Variants in PRX observed in about 807,000 individuals in gnomAD.
The protein encoded by PRX is periaxin.
In PRX, 24 loss-of-function variants were observed where a neutral mutation model predicts 29.6. The ratio of observed to expected loss-of-function variants is 0.81; its 90% CI spans 0.59 to 1.14. The LOEUF (loss-of-function observed/expected upper bound fraction) is 1.14. Among genes scored for constraint, PRX ranks in the 50% most tolerant of loss-of-function variants. The pLI, the probability that PRX is intolerant of heterozygous loss-of-function variation, is 0.00. For synonymous variants in PRX, 772 were observed against 831.7 expected (o/e 0.93, Z 1.24); for missense variants, 1,838 against 1,926.4 (o/e 0.95, Z 0.86).
At position 40,394,841 on chromosome 19, in the gene PRX, G is replaced by A. The variant is rs774212521; in HGVS notation, c.3511C>T (p.Gln1171Ter). Residue 1171 changes from glutamine (Q) to a stop codon, truncating the protein, a stop_gained, in exon 7 of 7, where the codon CAG (glutamine) becomes TAG (stop). Coordinates refer to ENST00000324001, the MANE Select transcript of PRX (RefSeq NM_181882.3). LOFTEE classifies it high-confidence loss of function. The surrounding 1 kb of genome is among the most constrained non-coding windows in gnomAD (Gnocchi z 5.8). ...CCCTCTGCTGAAGGGACTGTACTCT[G>A]AGCCTGCTGCCCTGGGGTACCTGCC... is the stretch of plus-strand genomic sequence containing the variant. ...GEAGTPGQQA[Q>*]STVPSAEGTA... The A allele has an allele frequency of 1.2e-6, 2 of 1,612,766 alleles. No individual in the cohort carries two copies. The highest frequency in any genetic ancestry group is 1.3e-5 in the African/African-American group (1 of 74,904).
chr19:40,393,793 G>T lies in PRX; in HGVS notation c.*173C>A. ...TACTTCCAGATTATTTTATTCACAT[G>T]GCTTGGTGGGGTACAGGCACTCCTG... is the stretch of plus-strand genomic sequence containing the variant. On this transcript the variant is annotated 3_prime_UTR_variant, in exon 7 of 7. Coordinates refer to ENST00000324001, the MANE Select transcript of PRX (RefSeq NM_181882.3). 1 of 914,772 alleles carries T rather than the reference G, an allele frequency of 1.1e-6. No individual in the cohort carries two copies. Among genetic ancestry groups the T allele is most frequent in the Non-Finnish European group, 1.6e-6 (1 of 606,286 alleles). The allele number at this position is 914,772 out of a possible 1,614,324, so 56.7% of individuals were successfully genotyped here.
chr19:40,394,920 C>T lies in PRX; in HGVS notation c.3432G>A (p.Arg1144=), dbSNP rs2079416587. The change falls in exon 7 of 7, where the codon AGG becomes AGA. Residue 1144 remains arginine (R), a synonymous_variant. Coordinates refer to ENST00000324001, the MANE Select transcript of PRX (RefSeq NM_181882.3). The surrounding 1 kb of genome is among the most constrained non-coding windows in gnomAD (Gnocchi z 5.8). ...GCAGGGAGATGCCCAGCGGAGGCATCCTCAGCCCCGCGTCATGGCCCTCAG... is the reference window on the plus strand; with the variant it reads ...GCAGGGAGATGCCCAGCGGAGGCATTCTCAGCCCCGCGTCATGGCCCTCAG... ...VVTEGHDAGL[R]MPPLGISLPQ... 1 of 1,610,076 alleles carries T rather than the reference C, an allele frequency of 6.2e-7. No homozygotes were observed. Among genetic ancestry groups the T allele is most frequent in the African/African-American group, 1.3e-5 (1 of 74,928 alleles).
intron 4 of PRX, among the ~76,000 whole-genome samples, chr19:40,405,200 C>T (rs1299041187): frequency 6.6e-6 from 1 of 152,124 alleles, no homozygotes; most frequent in African/African-American, 2.4e-5. Flanking sequence ...CAGATTGGAC[C>T]TGGCCCAGAA....
chr19:40,399,659 G>A (rs760635094), intron 5 of PRX, among the ~76,000 whole-genome samples: 7 of 152,236 alleles, frequency 4.6e-5, no homozygotes, highest in Middle Eastern at 3.4e-3. Context: ...CCTCTGGAGC[G>A]TCTCTGGGAG....
Position 40,397,037 on chromosome 19 carries a change from C to A in PRX, c.1315G>T (p.Gly439Ter), listed in dbSNP as rs756439826. The A allele has an allele frequency of 6.2e-7, 1 of 1,614,102 alleles. No individual in the cohort carries two copies. Among genetic ancestry groups the A allele is most frequent in the Non-Finnish European group, 8.5e-7 (1 of 1,180,038 alleles). The part of the protein sequence containing the change: ...VSGPEVKVPK[G>*]PEVKLPKAPE... ...GCCTTGGGGAGCTTCACTTCAGGTC[C>A]CTTGGGCACCTTGACCTCGGGCCCT... The change falls in exon 7 of 7, where the codon GGA (glycine) becomes TGA (stop). Residue 439 changes from glycine (G) to a stop codon, truncating the protein, a stop_gained. Coordinates refer to ENST00000324001, the MANE Select transcript of PRX (RefSeq NM_181882.3). LOFTEE classifies it low-confidence loss of function (END_TRUNC).
chr19:40,396,197 C>A lies in PRX; in HGVS notation c.2155G>T (p.Val719Phe), dbSNP rs2079433882. ...ATCTCTGGGAGCTTCATGTCAGGGA[C>A]TTTCATTTCACAGACTTTGGGCAGC... ...VQLPKVCEMK[V>F]PDMKLPEIKL... is the part of the protein sequence containing the mutation. The change falls in exon 7 of 7, where the codon GTC becomes TTC. Residue 719 changes from valine to phenylalanine, a missense_variant. Val to Phe is a conservative substitution (Grantham distance 50). Transcript: ENST00000324001. The A allele has an allele frequency of 6.2e-7, 1 of 1,601,938 alleles. No homozygotes were observed.
At position 40,397,558 on chromosome 19, in the gene PRX, C is replaced by T; in HGVS notation, c.794G>A (p.Gly265Asp). 6.5e-7 allele frequency: 1 copy of T among 1,540,294 alleles called. No individual in the cohort carries two copies. Among genetic ancestry groups the T allele is most frequent in the Non-Finnish European group, 8.7e-7 (1 of 1,145,116 alleles). The change falls in exon 7 of 7, where the codon GGC becomes GAC. Residue 265 changes from glycine to aspartate, a missense_variant. Around this residue, in one of 3 missense-constraint regions of PRX, gnomAD observed 666 missense variants for 665.0 expected, o/e 1.00. Coordinates refer to ENST00000324001, the MANE Select transcript of PRX (RefSeq NM_181882.3). ...AAGGGTTGGCAGGTGGAGGGCAAAG[C>T]CACCAGCTGCCTCTGCTGAGGGGGC... is the stretch of plus-strand genomic sequence containing the variant. ...KAAPSAEAAGGFALHLPTLGL... is the reference protein window; with the variant it reads ...KAAPSAEAAGDFALHLPTLGL...
chr19:40,409,713 C>T (rs2079550259), intron 1 of PRX, among the ~76,000 whole-genome samples: 1 of 151,984 alleles, frequency 6.6e-6, no homozygotes, highest in Non-Finnish European at 1.5e-5. Context: ...CTCAGGTGAT[C>T]CACCTGCCTC....
chr19:40,402,708 G>C (rs1046182316), intron 5 of PRX, among the ~76,000 whole-genome samples: 3 of 148,644 alleles, frequency 2.0e-5, no homozygotes, highest in African/African-American at 7.6e-5. Context: ...CCGGGAGGCG[G>C]AGCTTGCAGT....
At chr19:40,407,262 G>T (rs2079536088) in intron 4 of PRX, among the ~76,000 whole-genome samples, 1 of 147,502 alleles carries the variant, frequency 6.8e-6, no homozygotes, top group South Asian at 2.1e-4. Context: ...GTTTAGACAG[G>T]GTCTTTTTTT....
At position 40,395,234 on chromosome 19, in the gene PRX, G is replaced by A. The variant is rs748106303; in HGVS notation, c.3118C>T (p.Pro1040Ser). 1 of 1,613,896 alleles carries A rather than the reference G, an allele frequency of 6.2e-7. No individual in the cohort carries two copies. The highest frequency in any genetic ancestry group is 1.7e-5 in the Admixed American group (1 of 60,000). The change falls in exon 7 of 7, where the codon CCA becomes TCA. Residue 1040 changes from proline (P) to serine (S), a missense_variant. Pro to Ser is a moderately conservative substitution (Grantham distance 74, BLOSUM62 -1). Coordinates refer to ENST00000324001, the MANE Select transcript of PRX (RefSeq NM_181882.3). ...TTGCCCTCCAACTCAGCCACCCCTG[G>A]CACTAGTTCTGCTGCCTCAGTGTCC... ...GRDTEAAELV[P>S]GVAELEGKGW...
rs2145726879 is a variant in PRX at position 40,395,080 on chromosome 19, G to A, written c.3272C>T (p.Ala1091Val). The part of the protein sequence containing the change: ...ASPGEKAEST[A>V]VQLKIPEVEL... ...CACCTCGGGGATCTTAAGCTGCACA[G>A]CGGTGGACTCAGCCTTTTCCCCCGG... is the stretch of plus-strand genomic sequence containing the variant. Residue 1091 changes from alanine to valine, a missense_variant, in exon 7 of 7, where the codon GCT becomes GTT. Ala to Val is a moderately conservative substitution (Grantham distance 64, BLOSUM62 0). Around this residue, in one of 3 missense-constraint regions of PRX, gnomAD observed 1,143 missense variants for 1,193.0 expected, o/e 0.96. Coordinates refer to ENST00000324001, the MANE Select transcript of PRX (RefSeq NM_181882.3). 2.5e-6 allele frequency: 4 copies of A among 1,613,436 alleles called. No individual in the cohort carries two copies. The highest frequency in any genetic ancestry group is 3.4e-6 in the Non-Finnish European group (4 of 1,180,010).
rs147353593 is a variant in PRX, at chr19:40,396,585, C to G, written c.1767G>C (p.Lys589Asn). The change falls in exon 7 of 7, where the codon AAG (lysine) becomes AAC (asparagine). Residue 589 changes from lysine (K) to asparagine (N), a missense_variant. By Grantham distance (94) the Lys-to-Asn change is moderately conservative. Coordinates refer to ENST00000324001, the MANE Select transcript of PRX (RefSeq NM_181882.3). ...TCTCAGGAAGTTTCATCTCAGGCAC[C>G]TTTGGAAGCTTCATCTCAGGGACTT... ...EMKVPEMKLPKVPEMKLPEMK... is the reference protein window; with the variant it reads ...EMKVPEMKLPNVPEMKLPEMK... 4 of 1,613,882 alleles carry G rather than the reference C, an allele frequency of 2.5e-6. No individual in the cohort carries two copies. The highest frequency in any genetic ancestry group is 2.2e-5 in the South Asian group (2 of 91,068).
chr19:40,407,810 T>A (rs773393903), intron 4 of PRX, 96 bp downstream of exon 4: 13 of 1,530,102 alleles, frequency 8.5e-6, no homozygotes, highest in African/African-American at 1.4e-5. Flanking sequence ...ATGGAGAGAA[T>A]GAGGCACAGA....
At chr19:40,414,395 A>G (rs1301372322), upstream of PRX, among the ~76,000 whole-genome samples, 2 of 152,184 alleles carry the variant, frequency 1.3e-5, no homozygotes, top group Admixed American at 1.3e-4. Context: ...AAGTTCTGGG[A>G]TTACAGGCGT....
In PRX at chr19:40,408,041, G is replaced by T; in HGVS notation, c.-99-10C>A. The stretch of plus-strand genomic sequence containing the variant: ...GCAGCTGCCTCTGAGCCTGTGGGAG[G>T]ACAGCAGTGGAGGCTTGAGGCCAGT... On this transcript the variant is annotated splice_polypyrimidine_tract_variant and intron_variant, in intron 3 of 6. Transcript: ENST00000324001. The T allele has an allele frequency of 1.4e-6, 2 of 1,466,564 alleles. No individual in the cohort carries two copies. Among genetic ancestry groups the T allele is most frequent in the Non-Finnish European group, 9.4e-7 (1 of 1,064,550 alleles). The allele number at this position is 1,466,564 out of a possible 1,614,324, so 90.8% of individuals were successfully genotyped here.
chr19:40,401,345 T>C (rs1024265646), intron 5 of PRX, among the ~76,000 whole-genome samples: 11 of 148,578 alleles, frequency 7.4e-5, no homozygotes, highest in Non-Finnish European at 1.6e-4. Flanking sequence ...CAAGCTGGAG[T>C]GCAGTGGTGT....
intron 1 of PRX, among the ~76,000 whole-genome samples, chr19:40,409,726 C>G (rs1309356361): frequency 6.6e-6 from 1 of 152,136 alleles, no homozygotes. Context: ...CCTGCCTCAG[C>G]CTCCCAAAGT....
chr19:40,394,993 C>A lies in PRX; in HGVS notation c.3359G>T (p.Gly1120Val), dbSNP rs1240103185. 6.2e-7 allele frequency: 1 copy of A among 1,608,956 alleles called. No individual in the cohort carries two copies. The highest frequency in any genetic ancestry group is 1.3e-5 in the African/African-American group (1 of 74,932). Residue 1120 changes from glycine to valine, a missense_variant, in exon 7 of 7, where the codon GGA becomes GTA. This residue lies in a region of PRX where 1,143 missense variants were observed against 1,193.0 expected (regional missense o/e 0.96). Transcript: ENST00000324001. The surrounding 1 kb of genome is among the most constrained non-coding windows in gnomAD (Gnocchi z 5.8). ...GRAEGAVAVS[G>V]MQLSGLKVST... is the part of the protein sequence containing the mutation. The stretch of plus-strand genomic sequence containing the variant: ...CACCTTCAGGCCTGACAGCTGCATT[C>A]CACTGACGGCCACAGCCCCCTCTGC...
Sources: gnomAD v4.1 joint callset for allele counts (sites outside exome capture counted in the v4.1 genomes callset) on GRCh38, gnomAD v4.1.1 for gene constraint, gnomAD v4.1.1 regional missense constraint, Gnocchi (gnomAD v3.1) non-coding constraint, MANE v1.5 for transcripts, NCBI Gene and HGNC (gene_info 2026-07-23, HGNC 2026-07-21) for gene names.